CCDC77: variants seen among roughly 807,000 people sequenced by gnomAD.
CCDC77 encodes the protein coiled-coil domain-containing protein 77.
A neutral mutation model predicts 66.8 loss-of-function variants in CCDC77; 56 were observed. The observed-to-expected ratio is 0.84, with a 90% confidence interval of 0.68 to 1.05. The LOEUF is 1.05. CCDC77 is among the 50% of genes least tolerant of loss of function. CCDC77 has a pLI of 0.00. For synonymous variants in CCDC77, 196 were observed against 195.2 expected (o/e 1.00, Z -0.03); for missense variants, 570 against 576.8 (o/e 0.99, Z 0.12).
intron 2 of CCDC77, among the ~76,000 whole-genome samples, 199 bp downstream of exon 2, chr12:405,763 T>C (rs1339018852): frequency 1.3e-5 from 2 of 152,116 alleles, no homozygotes; most frequent in East Asian, 1.9e-4. Context: ...GTTGTATATA[T>C]ATACATATAC....
intron 1 of CCDC77, among the ~76,000 whole-genome samples, chr12:391,593 A>C (rs1208773893): frequency 6.6e-6 from 1 of 152,248 alleles, no homozygotes; most frequent in Non-Finnish European, 1.5e-5. Context: ...CATTCAATTA[A>C]ATGTAATGGT....
In CCDC77 at chr12:442,520, G is replaced by A. The variant is rs527980457; in HGVS notation, c.*600G>A. On this transcript the variant is annotated 3_prime_UTR_variant, in exon 13 of 13. Coordinates refer to ENST00000239830, the MANE Select transcript of CCDC77 (RefSeq NM_032358.4). ...GGAAAGATTCGGGAGACACTTTGCC[G>A]AGGGGATGAAGCTGAGATGATGCTT... The A allele has an allele frequency of 2.6e-5, 4 of 152,338 alleles. No homozygotes were observed. Among genetic ancestry groups the A allele is most frequent in the South Asian group, 2.1e-4 (1 of 4,828 alleles). 9.4% of individuals were successfully genotyped at this position (152,338 alleles called of 1,614,324 possible). A position where few individuals can be genotyped will look rare whatever the true frequency, so the allele number is the denominator to read the frequency against.
chr12:398,430 T>A (rs1591954665), upstream of CCDC77, among the ~76,000 whole-genome samples: 2 of 130,796 alleles, frequency 1.5e-5, no homozygotes, highest in East Asian at 4.7e-4. Flanking sequence ...TTCAGTCACA[T>A]CTTCAGGTTC....
intron 1 of CCDC77, chr12:389,565 G>A (rs976831710): frequency 7.2e-6 from 2 of 277,644 alleles, no homozygotes; most frequent in Non-Finnish European, 1.4e-5. Flanking sequence ...GAGGCGGGGC[G>A]AGGCGCAACG....
Position 428,784 on chromosome 12 carries a change from GA to G in CCDC77, c.434del (p.Lys145ArgfsTer16). The stretch of plus-strand genomic sequence containing the variant: ...AGAATTGCAGGGAGCTAGAAGACAA[GA>G]AAAAGATTCAGAATCTCTTGGCTCT... ...RLRIRELEDK[K>X]KIQNLLALVG... On this transcript the variant is annotated frameshift_variant, in exon 6 of 13. Coordinates refer to ENST00000239830, the MANE Select transcript of CCDC77 (RefSeq NM_032358.4). LOFTEE classifies it high-confidence loss of function. The G allele has an allele frequency of 6.2e-7, 1 of 1,611,366 alleles. No homozygotes were observed. The highest frequency in any genetic ancestry group is 8.5e-7 in the Non-Finnish European group (1 of 1,178,768).
chr12:391,732 T>C (rs1944758184), intron 1 of CCDC77, among the ~76,000 whole-genome samples: 1 of 152,238 alleles, frequency 6.6e-6, no homozygotes. Context: ...TATTTTATTT[T>C]AAACTGTCTC....
At chr12:427,790 G>A (rs1041651606) in intron 5 of CCDC77, among the ~76,000 whole-genome samples, 4 of 151,974 alleles carry the variant, frequency 2.6e-5, no homozygotes, top group Non-Finnish European at 4.4e-5. Context: ...CCTTTTTAGC[G>A]TTTGCTTCCT....
At chr12:441,029 A>G in intron 12 of CCDC77, 33 bp downstream of exon 12, 1 of 1,602,310 alleles carries the variant, frequency 6.2e-7, no homozygotes, top group African/African-American at 1.3e-5. Flanking sequence ...CACGAGGGAG[A>G]GAAGAGGTGT....
chr12:395,761 G>T (rs1944820923), intron 1 of CCDC77, among the ~76,000 whole-genome samples: 1 of 152,092 alleles, frequency 6.6e-6, no homozygotes, highest in African/African-American at 2.4e-5. Flanking sequence ...GGGCGTCGTG[G>T]TGCATGCCTG....
At chr12:430,985 C>T (rs1046990425) in intron 7 of CCDC77, among the ~76,000 whole-genome samples, 1 of 145,540 alleles carries the variant, frequency 6.9e-6, no homozygotes. Flanking sequence ...GAGGCTGAGG[C>T]AGGAGGATTT....
chr12:438,505 T>A lies in CCDC77; in HGVS notation c.992T>A (p.Val331Glu), dbSNP rs1297935085. ...AAGAAAGAAGATAAAATTGGAAAAG[T>A]GTTGCCCGTTATGCATGAGAGTCAC... ...CKKKEDKIGK[V>E]LPVMHESHHA... Residue 331 changes from valine (V) to glutamate (E), a missense_variant, in exon 10 of 13, where the codon GTG (valine) becomes GAG (glutamate). Coordinates refer to ENST00000239830, the MANE Select transcript of CCDC77 (RefSeq NM_032358.4). 1.2e-6 allele frequency: 2 copies of A among 1,614,052 alleles called. No individual in the cohort carries two copies. Among genetic ancestry groups the A allele is most frequent in the Admixed American group, 1.7e-5 (1 of 60,022 alleles).
chr12:438,652 C>T (rs1378996716), intron 10 of CCDC77, 98 bp downstream of exon 10: 4 of 887,828 alleles, frequency 4.5e-6, no homozygotes, highest in Non-Finnish European at 6.9e-6. Flanking sequence ...CCATTCAGTC[C>T]AGGAAGCTCT....
chr12:434,456 G>A (rs1400408440), intron 9 of CCDC77, among the ~76,000 whole-genome samples: 2 of 151,534 alleles, frequency 1.3e-5, no homozygotes, highest in Admixed American at 6.6e-5. Context: ...AGGTTCAAGC[G>A]ATTCTCCTGC....
intron 4 of CCDC77, among the ~76,000 whole-genome samples, chr12:415,451 T>A (rs1052860509): frequency 2.8e-5 from 4 of 144,498 alleles, no homozygotes; most frequent in South Asian, 2.2e-4. Flanking sequence ...TATGTTAATA[T>A]TAACATAATT....
intron 4 of CCDC77, among the ~76,000 whole-genome samples, chr12:412,856 T>A (rs1470868576): frequency 6.6e-6 from 1 of 152,100 alleles, no homozygotes; most frequent in African/African-American, 2.4e-5. Context: ...AGCCCTCCTC[T>A]CTCAACATCT....
intron 12 of CCDC77, 73 bp downstream of exon 12, chr12:441,069 T>C: frequency 1.3e-6 from 2 of 1,494,752 alleles, no homozygotes; most frequent in Admixed American, 1.7e-5. Flanking sequence ...CGAGGGCCCC[T>C]GAAAAGAAGG....
rs939248568 is a variant in CCDC77 at position 430,673 on chromosome 12, C to T, written c.520C>T (p.Leu174Phe). Residue 174 changes from leucine (L) to phenylalanine (F), a missense_variant, in exon 7 of 13, where the codon CTC (leucine) becomes TTC (phenylalanine). Transcript: ENST00000239830. ...GTTTTTGCTTCTTCAGGTCACCATT[C>T]TCCAAAAGACTATCCAGGCTGTAGG... Reference protein sequence around the residue: ...CKEPPHKVTILQKTIQAVGEC... With the variant: ...CKEPPHKVTIFQKTIQAVGEC... 2 of 1,613,566 alleles carry T rather than the reference C, an allele frequency of 1.2e-6. No individual in the cohort carries two copies. The highest frequency in any genetic ancestry group is 1.7e-6 in the Non-Finnish European group (2 of 1,179,576).
chr12:395,615 C>T (rs1236079046), intron 1 of CCDC77, among the ~76,000 whole-genome samples: 1 of 151,936 alleles, frequency 6.6e-6, no homozygotes, highest in Non-Finnish European at 1.5e-5. Context: ...CAGTACAGGC[C>T]GAGTGTGCTG....
intron 1 of CCDC77, among the ~76,000 whole-genome samples, chr12:392,051 G>A (rs999445353): frequency 4.6e-5 from 7 of 152,118 alleles, no homozygotes; most frequent in African/African-American, 1.7e-4. Context: ...AGGGCATTCT[G>A]CACACACAAT....
Sources: gnomAD v4.1 joint callset for allele counts (sites outside exome capture counted in the v4.1 genomes callset) on GRCh38, gnomAD v4.1.1 for gene constraint, MANE v1.5 for transcripts, NCBI Gene and HGNC (gene_info 2026-07-23, HGNC 2026-07-21) for gene names.